The following CLSTN2 variants were observed in gnomAD, a reference collection of about 807,000 sequenced individuals.
CLSTN2 encodes calsyntenin 2.
Under a neutral mutation model 101.2 loss-of-function variants are expected in CLSTN2, and 48 were observed. That is an observed-to-expected ratio of 0.47 (90% CI 0.38 to 0.60). The LOEUF is 0.60. CLSTN2 is among the 20% of genes least tolerant of loss of function. The pLI, the probability that CLSTN2 is intolerant of heterozygous loss-of-function variation, is 0.00. For missense variants in CLSTN2, 1,160 were observed against 1,238.2 expected, an observed-to-expected ratio of 0.94 and a Z score of 0.95; for synonymous variants, 481 against 463.6, an observed-to-expected ratio of 1.04 and a Z score of -0.48.
intron 1 of CLSTN2, among the ~76,000 whole-genome samples, chr3:139,966,991 G>A (rs1028382700): frequency 6.6e-6 from 1 of 152,138 alleles, no homozygotes; most frequent in African/African-American, 2.4e-5. Context: ...GAGGAAAATG[G>A]CTAGGGGCAT....
chr3:140,356,756 CAAAA>C (rs55634580), intron 2 of CLSTN2, among the ~76,000 whole-genome samples: 4 of 111,140 alleles, frequency 3.6e-5, no homozygotes, highest in Admixed American at 9.8e-5. Context: ...GACCTTGTCT[CAAAA>C]AAAAAAAAAA....
intron 1 of CLSTN2, among the ~76,000 whole-genome samples, chr3:139,941,216 G>A (rs1935121427): frequency 6.6e-6 from 1 of 152,076 alleles, no homozygotes; most frequent in Non-Finnish European, 1.5e-5. Flanking sequence ...TAGACCATGG[G>A]GAGGCCTGAG....
chr3:140,051,508 C>A (rs2007992145), intron 1 of CLSTN2, among the ~76,000 whole-genome samples: 1 of 152,090 alleles, frequency 6.6e-6, no homozygotes, highest in Non-Finnish European at 1.5e-5. Context: ...GCTGAACAGG[C>A]AAAAGGATAG....
chr3:140,490,557 T>C lies in CLSTN2; in HGVS notation c.1344+23826T>C, dbSNP rs1012262611. ...CTGCAGTGAGCTGAGATTGTGCCAC[T>C]GTACTCCATCCTGGGTGACAGAGCG... On this transcript the variant is annotated intron_variant, in intron 8 of 16. Coordinates refer to ENST00000458420, the MANE Select transcript of CLSTN2 (RefSeq NM_022131.3). Among the ~76,000 whole-genome samples, 8 of 145,752 alleles carry C rather than the reference T, an allele frequency of 5.5e-5. No homozygotes were observed. In the Admixed American group the frequency reaches 5.7e-4, roughly 10 times the overall value.
chr3:140,290,895 A>T (rs1256816645), intron 2 of CLSTN2, among the ~76,000 whole-genome samples: 1 of 151,966 alleles, frequency 6.6e-6, no homozygotes, highest in Non-Finnish European at 1.5e-5. Flanking sequence ...CTAATTTTTC[A>T]CCTGATCTGC....
chr3:140,527,082 A>G (rs748610289), intron 8 of CLSTN2, among the ~76,000 whole-genome samples: 4 of 152,180 alleles, frequency 2.6e-5, no homozygotes, highest in Non-Finnish European at 5.9e-5. Flanking sequence ...AAAATTGACA[A>G]GTGGGAGCTA....
intron 1 of CLSTN2, among the ~76,000 whole-genome samples, chr3:140,042,033 A>T (rs887667880): frequency 1.1e-4 from 17 of 152,232 alleles, no homozygotes; most frequent in African/African-American, 3.9e-4. Context: ...TTTATCTGCC[A>T]TACAATTCAC....
At chr3:140,398,528 C>G (rs181889783) in intron 2 of CLSTN2, among the ~76,000 whole-genome samples, 288 of 152,178 alleles carry the variant, frequency 1.9e-3, no homozygotes, top group African/African-American at 6.7e-3. Context: ...CTTTTTGAAC[C>G]CTTACAAAGT....
chr3:140,325,262 A>T (rs1479012148), intron 2 of CLSTN2, among the ~76,000 whole-genome samples: 1 of 152,178 alleles, frequency 6.6e-6, no homozygotes, highest in Non-Finnish European at 1.5e-5. Flanking sequence ...AGAAAGCATA[A>T]AATGTCCTTG....
At chr3:140,227,664 C>G (rs1222649718) in intron 2 of CLSTN2, among the ~76,000 whole-genome samples, 1 of 152,212 alleles carries the variant, frequency 6.6e-6, no homozygotes, top group African/African-American at 2.4e-5. Flanking sequence ...AACAAGGACC[C>G]CAACCCTGTG....
In CLSTN2 at chr3:140,418,448, G is replaced by T. The variant is rs76018905; in HGVS notation, c.638-2677G>T. 3.1e-4 allele frequency among the ~76,000 whole-genome samples: 46 copies of T among 150,580 alleles called. No homozygotes were observed. In the East Asian group the frequency reaches 9.0e-3, roughly 29 times the overall value. On this transcript the variant is annotated intron_variant, in intron 4 of 16. Coordinates refer to ENST00000458420, the MANE Select transcript of CLSTN2 (RefSeq NM_022131.3). ...TCTAATTGGTGGATGAAGCTGTATTGTTAGAAGTAGTCCAGAGAAGATAGC... is the reference window on the plus strand; with the variant it reads ...TCTAATTGGTGGATGAAGCTGTATTTTTAGAAGTAGTCCAGAGAAGATAGC...
At chr3:140,291,637 A>G in intron 2 of CLSTN2, among the ~76,000 whole-genome samples, 1 of 151,032 alleles carries the variant, frequency 6.6e-6, no homozygotes, top group Middle Eastern at 3.2e-3. Context: ...AACTTCCCCC[A>G]TCTCCAGACG....
Position 140,007,680 on chromosome 3 carries a change from G to A in CLSTN2, c.109+72197G>A, listed in dbSNP as rs879552336. On this transcript the variant is annotated intron_variant, in intron 1 of 16. Coordinates refer to ENST00000458420, the MANE Select transcript of CLSTN2 (RefSeq NM_022131.3). ...GAGGCTCGGTCTGGCTCTCCTCTCC[G>A]TGGGTCTCAGTTCCCACATACCTAC... 5.3e-5 allele frequency among the ~76,000 whole-genome samples: 8 copies of A among 152,182 alleles called. No individual in the cohort carries two copies. The South Asian group carries it at 6.2e-4, about 12-fold the overall frequency.
intron 1 of CLSTN2, among the ~76,000 whole-genome samples, chr3:140,155,846 A>T (rs1057120902): frequency 6.6e-6 from 1 of 152,210 alleles, no homozygotes; most frequent in Admixed American, 6.5e-5. Context: ...AGTCATGACA[A>T]TTCAGTGCAT....
At chr3:140,238,441 C>A (rs916955065) in intron 2 of CLSTN2, among the ~76,000 whole-genome samples, 1 of 152,046 alleles carries the variant, frequency 6.6e-6, no homozygotes, top group Non-Finnish European at 1.5e-5. Context: ...CTATACTTTC[C>A]AGAAGCAACC....
intron 1 of CLSTN2, among the ~76,000 whole-genome samples, chr3:140,160,537 G>A (rs563724559): frequency 6.6e-6 from 1 of 152,162 alleles, no homozygotes; most frequent in East Asian, 1.9e-4. Context: ...GAATTCTATA[G>A]CATTTTTCTC....
chr3:140,187,454 A>G (rs770350539), intron 2 of CLSTN2, among the ~76,000 whole-genome samples: 4 of 151,962 alleles, frequency 2.6e-5, no homozygotes, highest in Admixed American at 6.6e-5. Flanking sequence ...CTTCTGGCCT[A>G]CTCTTGCTCA....
At chr3:140,179,446 T>G (rs145884129) in intron 2 of CLSTN2, among the ~76,000 whole-genome samples, 1 of 150,860 alleles carries the variant, frequency 6.6e-6, no homozygotes, top group Non-Finnish European at 1.5e-5. Flanking sequence ...GGTAAGATCT[T>G]GTCTCTACAA....
chr3:140,074,919 C>T (rs932749231), intron 1 of CLSTN2, among the ~76,000 whole-genome samples: 1 of 152,174 alleles, frequency 6.6e-6, no homozygotes, highest in African/African-American at 2.4e-5. Flanking sequence ...GCCCAGAGTA[C>T]TTACTTTCTC....
Sources: gnomAD v4.1 joint callset for allele counts (sites outside exome capture counted in the v4.1 genomes callset) on GRCh38, gnomAD v4.1.1 for gene constraint, MANE v1.5 for transcripts, NCBI Gene and HGNC (gene_info 2026-07-23, HGNC 2026-07-21) for gene names.